PCDHA11: variants seen among roughly 807,000 people sequenced by gnomAD.
The protein encoded by PCDHA11 is protocadherin alpha-11.
In PCDHA11, 61 loss-of-function variants were observed where a neutral mutation model predicts 70.3. The ratio of observed to expected loss-of-function variants is 0.87; its 90% CI spans 0.71 to 1.07. The LOEUF is 1.07. Among genes scored for constraint, PCDHA11 ranks in the 50% least tolerant of loss-of-function variants. PCDHA11 has a pLI of 0.00. For synonymous variants in PCDHA11, 633 were observed against 555.1 expected (o/e 1.14, Z -1.97); for missense variants, 1,324 against 1,237.5 (o/e 1.07, Z -1.05).
intron 1 of PCDHA11, among the ~76,000 whole-genome samples, chr5:140,960,614 G>A (rs1167351854): frequency 3.3e-5 from 5 of 152,130 alleles, no homozygotes; most frequent in African/African-American, 1.2e-4. Context: ...AATATCTAGT[G>A]TGTTTTTGAA....
chr5:140,915,132 AGAGAC>A (rs1406752818), intron 1 of PCDHA11, among the ~76,000 whole-genome samples: 1 of 151,994 alleles, frequency 6.6e-6, no homozygotes, highest in Non-Finnish European at 1.5e-5. Flanking sequence ...TATTTTTAGT[AGAGAC>A]GGGGTTTCAC....
At chr5:140,880,369 G>A (rs1055944264) in intron 1 of PCDHA11, among the ~76,000 whole-genome samples, 4 of 152,210 alleles carry the variant, frequency 2.6e-5, no homozygotes, top group African/African-American at 9.7e-5. Context: ...TGAAAACCAT[G>A]AGAGAATAGA....
rs142720081 is a variant in PCDHA11, at chr5:141,009,771, T to G, written c.2684T>G (p.Ile895Ser). 1 of 1,614,082 alleles carries G rather than the reference T, an allele frequency of 6.2e-7. No individual in the cohort carries two copies. The change falls in exon 4 of 4, where the codon ATC becomes AGC. Residue 895 changes from isoleucine to serine, a missense_variant. Physicochemically the swap from Ile to Ser is moderately radical, Grantham distance 142. Transcript: ENST00000398640. ...DKFIIPGSPA[I>S]ISIRQEPTNS... ...TTCATTATCCCAGGATCTCCTGCAA[T>G]CATCTCCATCCGGCAGGAGCCTACT...
intron 1 of PCDHA11, among the ~76,000 whole-genome samples, chr5:140,961,765 T>C (rs2095634679): frequency 6.6e-6 from 1 of 152,244 alleles, no homozygotes; most frequent in African/African-American, 2.4e-5. Flanking sequence ...AAGGAATTTA[T>C]ATCAAGCTTA....
At chr5:140,992,035 G>A (rs529236840) in intron 3 of PCDHA11, among the ~76,000 whole-genome samples, 1 of 151,988 alleles carries the variant, frequency 6.6e-6, no homozygotes, top group Non-Finnish European at 1.5e-5. Flanking sequence ...GTGTGTGTGT[G>A]TGTGTGTGTG....
chr5:140,982,611 T>G, intron 3 of PCDHA11, 48 bp downstream of exon 3: 2 of 1,600,048 alleles, frequency 1.2e-6, no homozygotes, highest in South Asian at 2.2e-5. Flanking sequence ...TGGAAAGTGA[T>G]CAGATGACCT....
intron 1 of PCDHA11, among the ~76,000 whole-genome samples, chr5:140,922,582 G>T (rs548638056): frequency 6.6e-5 from 10 of 152,160 alleles, no homozygotes; most frequent in Non-Finnish European, 1.5e-4. Flanking sequence ...CCCTGTAGCC[G>T]CCAGTTCTCA....
chr5:140,928,551 G>T, intron 1 of PCDHA11: 2 of 1,614,164 alleles, frequency 1.2e-6, no homozygotes, highest in Non-Finnish European at 1.7e-6. Context: ...ACAATTATCC[G>T]GTTATCTTGT....
intron 1 of PCDHA11, among the ~76,000 whole-genome samples, chr5:140,959,381 A>G (rs2095484925): frequency 6.6e-6 from 1 of 152,190 alleles, no homozygotes; most frequent in African/African-American, 2.4e-5. Flanking sequence ...CTCAAAAAAA[A>G]AAGTCACAAA....
chr5:140,870,528 A>G lies in PCDHA11; in HGVS notation c.1425A>G (p.Thr475=), dbSNP rs556976390. The G allele has an allele frequency of 3.1e-6, 5 of 1,614,214 alleles. No homozygotes were observed. The highest frequency in any genetic ancestry group is 2.7e-5 in the African/African-American group (2 of 75,076). ...ENNPPGCHIF[T]VSARDADAQE... Reference sequence around the variant, plus strand: ...ACCCACCAGGCTGCCACATCTTCACAGTGTCGGCGCGGGACGCGGACGCGC... The same window carrying G: ...ACCCACCAGGCTGCCACATCTTCACGGTGTCGGCGCGGGACGCGGACGCGC... Residue 475 remains threonine, a synonymous_variant, in exon 1 of 4, where the codon ACA becomes ACG. Coordinates refer to ENST00000398640, the MANE Select transcript of PCDHA11 (RefSeq NM_018902.5).
intron 1 of PCDHA11, chr5:140,883,738 C>T (rs149972776): frequency 2.5e-5 from 41 of 1,613,276 alleles, no homozygotes; most frequent in Non-Finnish European, 3.3e-5. Flanking sequence ...ACGCGCTGGT[C>T]TCCTACTCGC....
chr5:140,875,834 T>C (rs1562703586), intron 1 of PCDHA11: 2 of 1,613,958 alleles, frequency 1.2e-6, no homozygotes, highest in Non-Finnish European at 1.7e-6. Context: ...CATGTGGACG[T>C]GGAGGTGAAG....
chr5:140,891,148 A>C (rs913917156), intron 1 of PCDHA11, among the ~76,000 whole-genome samples: 2 of 151,726 alleles, frequency 1.3e-5, no homozygotes, highest in Non-Finnish European at 2.9e-5. Flanking sequence ...TATTCTGTTT[A>C]TTTTCCTTTG....
intron 1 of PCDHA11, chr5:140,876,048 T>C (rs376201695): frequency 6.2e-7 from 1 of 1,613,930 alleles, no homozygotes. Context: ...GTATATTGCC[T>C]GAATTAGTTC....
intron 2 of PCDHA11, among the ~76,000 whole-genome samples, chr5:140,979,729 C>CA: frequency 6.6e-6 from 1 of 152,232 alleles, no homozygotes; most frequent in African/African-American, 2.4e-5. Flanking sequence ...GCCATGGGGC[C>CA]AAATAAAAGA....
chr5:140,876,637 C>T, intron 1 of PCDHA11: 1 of 1,614,206 alleles, frequency 6.2e-7, no homozygotes, highest in Non-Finnish European at 8.5e-7. Context: ...CATCTGCTCA[C>T]TGACACCTCA....
At chr5:140,882,336 C>A (rs781805621) in intron 1 of PCDHA11, 31 of 1,614,044 alleles carry the variant, frequency 1.9e-5, no homozygotes, top group Non-Finnish European at 2.5e-5. Flanking sequence ...ATCCTCGCAG[C>A]CTGGGAGACG....
At chr5:140,924,725 C>G (rs1015635507) in intron 1 of PCDHA11, among the ~76,000 whole-genome samples, 1 of 151,698 alleles carries the variant, frequency 6.6e-6, no homozygotes, top group East Asian at 1.9e-4. Context: ...CGAAACCTCA[C>G]CTCTAATAAA....
chr5:140,932,562 G>A lies in PCDHA11; in HGVS notation c.2392-46387G>A, dbSNP rs566002035. The stretch of plus-strand genomic sequence containing the variant: ...TTATTTAACATACATTCCACAAGTA[G>A]ACTTTCCCATAGGGTAATTAGATGT... On this transcript the variant is annotated intron_variant, in intron 1 of 3. Coordinates refer to ENST00000398640, the MANE Select transcript of PCDHA11 (RefSeq NM_018902.5). Among the ~76,000 whole-genome samples the A allele has an allele frequency of 1.9e-4, 29 of 151,988 alleles. No individual in the cohort carries two copies. The South Asian group carries it at 6.0e-3, about 32-fold the overall frequency.
Sources: allele counts gnomAD v4.1 joint callset (sites outside exome capture counted in the v4.1 genomes callset), GRCh38; gene constraint gnomAD v4.1.1; transcripts MANE v1.5; gene names NCBI Gene and HGNC (gene_info 2026-07-23, HGNC 2026-07-21).